DPYSL3: variants seen among roughly 807,000 people sequenced by gnomAD.
DPYSL3 encodes the protein dihydropyrimidinase like 3.
A neutral mutation model predicts 66.1 loss-of-function variants in DPYSL3; 16 were observed. The observed-to-expected ratio is 0.24, with a 90% confidence interval of 0.16 to 0.37. The LOEUF is 0.37. Among genes scored for constraint, DPYSL3 ranks in the 10% least tolerant of loss-of-function variants. The pLI is 1.00. For synonymous variants in DPYSL3, 338 were observed against 345.1 expected (o/e 0.98, Z 0.23); for missense variants, 738 against 916.2 (o/e 0.81, Z 2.51).
At chr5:147,473,561 C>A (rs1281219565) in intron 1 of DPYSL3, among the ~76,000 whole-genome samples, 3 of 152,060 alleles carry the variant, frequency 2.0e-5, no homozygotes, top group Admixed American at 2.0e-4. Context: ...TTATCACAAA[C>A]AATTTTCTTT....
Position 147,413,591 on chromosome 5 carries a change from G to A in DPYSL3, c.882+5C>T. On this transcript the variant is annotated splice_donor_5th_base_variant and intron_variant, in intron 5 of 13. Coordinates refer to ENST00000343218, the MANE Select transcript of DPYSL3 (RefSeq NM_001197294.2). Reference sequence around the variant, plus strand: ...CCCCAAACCACATAGCAAATGGGTTGTTACCTCTGTGTTAGATACTTGATA... The same window carrying A: ...CCCCAAACCACATAGCAAATGGGTTATTACCTCTGTGTTAGATACTTGATA... 4 of 1,610,780 alleles carry A rather than the reference G, an allele frequency of 2.5e-6. No individual in the cohort carries two copies. Among genetic ancestry groups the A allele is most frequent in the South Asian group, 1.1e-5 (1 of 90,810 alleles).
intron 8 of DPYSL3, among the ~76,000 whole-genome samples, chr5:147,404,819 A>T (rs1216918523): frequency 6.6e-6 from 1 of 152,104 alleles, no homozygotes; most frequent in Non-Finnish European, 1.5e-5. Context: ...TGCTTTGGAG[A>T]CCCACTCAAC....
intron 1 of DPYSL3, chr5:147,453,731 C>T (rs1336185414): frequency 1.3e-5 from 17 of 1,318,020 alleles, no homozygotes; most frequent in African/African-American, 1.5e-5. Flanking sequence ...CCGCCTCCGC[C>T]CCCCTCCCGG....
rs1757944118 is a variant in DPYSL3 at position 147,395,595 on chromosome 5, C to T, written c.1930G>A (p.Val644Met). The T allele has an allele frequency of 1.2e-6, 2 of 1,613,848 alleles. No homozygotes were observed. The highest frequency in any genetic ancestry group is 1.7e-6 in the Non-Finnish European group (2 of 1,179,926). Residue 644 changes from valine to methionine, a missense_variant, in exon 13 of 14, where the codon GTG (valine) becomes ATG (methionine). Val to Met is a conservative substitution (Grantham distance 21). Transcript: ENST00000343218. ...AATCCCGACTGATGAAGATTCCTCA[C>T]AGGTGGGTTCGGCCGAGTAGGAGAG... ...RGSPTRPNPP[V>M]RNLHQSGFSL...
chr5:147,494,892 T>C (rs1284596741), intron 1 of DPYSL3, among the ~76,000 whole-genome samples: 2 of 148,276 alleles, frequency 1.3e-5, no homozygotes, highest in Non-Finnish European at 3.0e-5. Flanking sequence ...ATAATAATAA[T>C]AATAATAATA....
At chr5:147,452,881 GCACACACACACACACACACACACA>G (rs3995474) in intron 1 of DPYSL3, among the ~76,000 whole-genome samples, 7 of 137,352 alleles carry the variant, frequency 5.1e-5, no homozygotes, top group African/African-American at 1.3e-4. Flanking sequence ...TGCATCGAAG[GCACACACACACACACACACACACA>G]CACACACACA....
intron 1 of DPYSL3, among the ~76,000 whole-genome samples, chr5:147,450,556 C>T (rs985371904): frequency 1.3e-5 from 2 of 152,042 alleles, no homozygotes; most frequent in South Asian, 4.2e-4. Context: ...GGGAGCTACT[C>T]GGGAGAAAGG....
At chr5:147,476,010 C>A (rs1272314467) in intron 1 of DPYSL3, among the ~76,000 whole-genome samples, 1 of 152,000 alleles carries the variant, frequency 6.6e-6, no homozygotes, top group Non-Finnish European at 1.5e-5. Flanking sequence ...TCATAACAAC[C>A]TGCTGAGGTT....
intron 1 of DPYSL3, among the ~76,000 whole-genome samples, chr5:147,433,211 A>G (rs1752346340): frequency 6.6e-6 from 1 of 152,216 alleles, no homozygotes; most frequent in Non-Finnish European, 1.5e-5. Context: ...AAGCAAGAGT[A>G]GGACTCAAAG....
chr5:147,401,478 C>G, intron 9 of DPYSL3, 62 bp downstream of exon 9: 1 of 1,522,338 alleles, frequency 6.6e-7, no homozygotes, highest in Non-Finnish European at 8.8e-7. Flanking sequence ...TGTCCTCAAC[C>G]CCCAGCTGGA....
intron 7 of DPYSL3, among the ~76,000 whole-genome samples, chr5:147,407,314 G>A (rs1758349473): frequency 6.6e-6 from 1 of 152,082 alleles, no homozygotes; most frequent in Non-Finnish European, 1.5e-5. Context: ...ATAGAGGTTT[G>A]CGGCTGAGAG....
At chr5:147,416,621 C>T (rs1297231460) in intron 3 of DPYSL3, among the ~76,000 whole-genome samples, 1 of 152,168 alleles carries the variant, frequency 6.6e-6, no homozygotes, top group Non-Finnish European at 1.5e-5. Flanking sequence ...GGACAAAGTA[C>T]AGCTAAGGAC....
At chr5:147,402,341 C>CT (rs11438535) in intron 8 of DPYSL3, among the ~76,000 whole-genome samples, 55,665 of 134,676 alleles carry the variant, frequency 0.41, 12,551 homozygotes, top group South Asian at 0.48. Flanking sequence ...ACTCTCATGA[C>CT]TTTTTTTTTT....
chr5:147,459,979 G>A (rs1197127561), intron 1 of DPYSL3, among the ~76,000 whole-genome samples: 24 of 152,060 alleles, frequency 1.6e-4, no homozygotes, highest in Admixed American at 1.6e-3. Context: ...GTGTGGTGGT[G>A]GGCGCCTGTT....
Position 147,400,764 on chromosome 5 carries a change from G to A in DPYSL3, c.1380C>T (p.Asp460=). ...TGCCCTCAGGAATGGCTGTGAAGTT[G>A]TCCTTCCCAATTGCTTTCTGGGCAG... The part of the protein sequence containing the change: ...FSTAQKAIGK[D]NFTAIPEGTN... The change falls in exon 10 of 14, where the codon GAC becomes GAT. Residue 460 remains aspartate (D), a synonymous_variant. Transcript: ENST00000343218. The A allele has an allele frequency of 6.2e-7, 1 of 1,614,200 alleles. No homozygotes were observed. The highest frequency in any genetic ancestry group is 8.5e-7 in the Non-Finnish European group (1 of 1,180,034).
At chr5:147,408,819 T>A (rs1447593305) in intron 6 of DPYSL3, 23 bp from the exon 7 acceptor site, 6 of 1,613,728 alleles carry the variant, frequency 3.7e-6, no homozygotes, top group Admixed American at 1.7e-5. Flanking sequence ...AAGAAAATAG[T>A]TCTTCAATAA....
At chr5:147,489,936 T>C (rs1387051557) in intron 1 of DPYSL3, among the ~76,000 whole-genome samples, 1 of 152,040 alleles carries the variant, frequency 6.6e-6, no homozygotes, top group Non-Finnish European at 1.5e-5. Flanking sequence ...CACATGTACC[T>C]CTTGAATCTA....
chr5:147,496,498 C>T (rs995954907), intron 1 of DPYSL3, among the ~76,000 whole-genome samples: 120 of 151,944 alleles, frequency 7.9e-4, no homozygotes, highest in African/African-American at 2.7e-3. Flanking sequence ...GCAACCTACT[C>T]ATCTGACAAA....
intron 1 of DPYSL3, among the ~76,000 whole-genome samples, chr5:147,440,756 A>G (rs1752516079): frequency 6.6e-6 from 1 of 152,188 alleles, no homozygotes; most frequent in South Asian, 2.1e-4. Context: ...ACTTTGGAGT[A>G]CATTTTTTTA....
Sources: gnomAD v4.1 joint callset for allele counts (sites outside exome capture counted in the v4.1 genomes callset) on GRCh38, gnomAD v4.1.1 for gene constraint, MANE v1.5 for transcripts, NCBI Gene and HGNC (gene_info 2026-07-23, HGNC 2026-07-21) for gene names.